GCNA: variants seen among roughly 807,000 people sequenced by gnomAD.
The protein encoded by GCNA is germ cell nuclear acidic protein.
A neutral mutation model predicts 38.8 loss-of-function variants in GCNA; 3 were observed. That is an observed-to-expected ratio of 0.08 (90% confidence interval 0.04 to 0.20). The LOEUF is 0.20. Among genes scored for constraint, GCNA ranks in the 10% least tolerant of loss-of-function variants. The pLI, the probability that GCNA is intolerant of heterozygous loss-of-function variation, is 1.00. For missense variants in GCNA, 446 were observed against 578.6 expected (o/e 0.77, Z 2.35); for synonymous variants, 195 against 240.2 (o/e 0.81, Z 1.74).
intron 7 of GCNA, among the ~76,000 whole-genome samples, chrX:71,602,799 C>A (rs1215157168): frequency 9.0e-6 from 1 of 111,647 alleles, no homozygotes; most frequent in Non-Finnish European, 1.9e-5. Flanking sequence ...TCCCATTTGT[C>A]CATTTTTGCT....
At chrX:71,593,507 G>C (rs948848123) in intron 4 of GCNA, among the ~76,000 whole-genome samples, 21 of 111,354 alleles carry the variant, frequency 1.9e-4, no homozygotes, top group African/African-American at 6.2e-4. Flanking sequence ...ACTCTCGTAA[G>C]TGATAGCAAG....
At chrX:71,582,845 C>A (rs2040556928) in intron 2 of GCNA, among the ~76,000 whole-genome samples, 1 of 111,946 alleles carries the variant, frequency 8.9e-6, no homozygotes, top group African/African-American at 3.2e-5. Flanking sequence ...CATATATAGA[C>A]ATTTACAGGG....
intron 11 of GCNA, among the ~76,000 whole-genome samples, chrX:71,611,131 G>T (rs942773649): frequency 3.6e-5 from 4 of 112,153 alleles, no homozygotes; most frequent in African/African-American, 6.5e-5. Flanking sequence ...TCTTCCTTCA[G>T]AGTAGCTCAC....
At chrX:71,590,723 C>T (rs1292682349) in intron 2 of GCNA, among the ~76,000 whole-genome samples, 2 of 109,690 alleles carry the variant, frequency 1.8e-5, no homozygotes, top group Non-Finnish European at 3.8e-5. Context: ...GCTCTGTGGC[C>T]CAGGCTGGAG....
At chrX:71,585,518 C>T (rs1187702100) in intron 2 of GCNA, among the ~76,000 whole-genome samples, 8 of 109,798 alleles carry the variant, frequency 7.3e-5, no homozygotes, top group African/African-American at 2.0e-4. Context: ...AATTGATAAA[C>T]CTGAGTTTCT....
At chrX:71,592,831 C>G (rs767495812) in intron 4 of GCNA, among the ~76,000 whole-genome samples, 9 of 111,004 alleles carry the variant, frequency 8.1e-5, no homozygotes, top group African/African-American at 2.6e-4. Context: ...AACATCCAGG[C>G]TCTACTAGTC....
chrX:71,609,817 A>G (rs769454385), intron 10 of GCNA, among the ~76,000 whole-genome samples: 4 of 111,945 alleles, frequency 3.6e-5, no homozygotes, highest in South Asian at 7.5e-4. Context: ...ACCTGTGGGT[A>G]TGGACTGGAT....
chrX:71,612,130 C>T (rs1439926995), intron 11 of GCNA, among the ~76,000 whole-genome samples: 1 of 104,004 alleles, frequency 9.6e-6, no homozygotes, highest in Non-Finnish European at 2.0e-5. Context: ...AAAAAAAAAT[C>T]AGCCAGGAAT....
At chrX:71,610,910 C>T in intron 11 of GCNA, 91 bp downstream of exon 11, 2 of 1,128,304 alleles carry the variant, frequency 1.8e-6, no homozygotes, top group African/African-American at 3.5e-5. Flanking sequence ...GCCTGTGTCA[C>T]AGCTCGAACT....
intron 1 of GCNA, 27 bp from the exon 2 acceptor site, chrX:71,580,793 A>ATT: frequency 3.4e-6 from 4 of 1,186,006 alleles, no homozygotes; most frequent in Non-Finnish European, 3.4e-6. Flanking sequence ...CTTTCTTAAG[A>ATT]AAGTGTATCT....
In GCNA at chrX:71,612,479, G is replaced by A. The variant is rs781059531; in HGVS notation, c.1875G>A (p.Pro625=). ...CCAGGAAATCCAACAGGATACACCC[G>A]GAGCTGCCCAGGGTCACCCGTTGCC... The part of the protein sequence containing the change: ...YYARKSNRIH[P]ELPRVTRCHN... Residue 625 remains proline (P), a synonymous_variant, in exon 12 of 13, where the codon CCG becomes CCA. Coordinates refer to ENST00000373696, the MANE Select transcript of GCNA (RefSeq NM_052957.5). The A allele has an allele frequency of 5.3e-5, 64 of 1,207,055 alleles. No individual in the cohort carries two copies. The Middle Eastern group carries it at 9.2e-4, about 17-fold the overall frequency.
intron 8 of GCNA, among the ~76,000 whole-genome samples, chrX:71,605,390 C>T (rs2040761073): frequency 1.8e-5 from 2 of 112,618 alleles, no homozygotes; most frequent in Non-Finnish European, 3.8e-5. Context: ...CCCACACCAC[C>T]TAGCTTCTAA....
chrX:71,594,186 C>T (rs2147718819), intron 4 of GCNA, 145 bp from the exon 5 acceptor site: 1 of 468,292 alleles, frequency 2.1e-6, no homozygotes, highest in South Asian at 3.8e-5. Flanking sequence ...ATCCTAATTT[C>T]CTAAGGGCTT....
chrX:71,603,318 G>C lies in GCNA; in HGVS notation c.311-270G>C, dbSNP rs1282786964. ...AGTTTTTTCTAGTTCTGTGAAGAAT[G>C]TCATTGGTATTTTGATAGGGATTGT... is the stretch of plus-strand genomic sequence containing the variant. On this transcript the variant is annotated intron_variant, in intron 7 of 12. Transcript: ENST00000373696. Among the ~76,000 whole-genome samples the C allele has an allele frequency of 3.6e-5, 4 of 112,235 alleles. No individual in the cohort carries two copies. The South Asian group carries it at 1.5e-3, about 41-fold the overall frequency.
intron 10 of GCNA, among the ~76,000 whole-genome samples, 178 bp downstream of exon 10, chrX:71,609,295 C>T (rs370006422): frequency 1.8e-5 from 2 of 111,915 alleles, no homozygotes; most frequent in South Asian, 7.4e-4. Context: ...ATGTATAGGA[C>T]AGATGGCTGT....
rs1237876594 is a variant in GCNA, at chrX:71,597,938, TTCA to T, written c.222-8_222-6del. ...TACTTCTCTCTTGTTTTTCTCCTGT[TTCA>T]TCACTCAGCTCCGTGGTAGTGATTG... On this transcript the variant is annotated splice_polypyrimidine_tract_variant and intron_variant, in intron 6 of 12. Transcript: ENST00000373696. 8.4e-7 allele frequency: 1 copy of T among 1,185,006 alleles called. No individual in the cohort carries two copies. Among genetic ancestry groups the T allele is most frequent in the Non-Finnish European group, 1.1e-6 (1 of 873,594 alleles).
At position 71,612,491 on chromosome X, in the gene GCNA, G is replaced by T; in HGVS notation, c.1887G>T (p.Arg629Ser). 1 of 1,209,960 alleles carries T rather than the reference G, an allele frequency of 8.3e-7. No homozygotes were observed. The highest frequency in any genetic ancestry group is 1.1e-6 in the Non-Finnish European group (1 of 894,999). The part of the protein sequence containing the change: ...KSNRIHPELP[R>S]VTRCHNYKIN... ...ACAGGATACACCCGGAGCTGCCCAGGGTCACCCGTTGCCATAACTATAAGA... is the reference window on the plus strand; with the variant it reads ...ACAGGATACACCCGGAGCTGCCCAGTGTCACCCGTTGCCATAACTATAAGA... Residue 629 changes from arginine to serine, a missense_variant, in exon 12 of 13, where the codon AGG becomes AGT. Arg to Ser is a moderately radical substitution (Grantham distance 110). This residue lies in a region of GCNA where 60 missense variants were observed against 111.0 expected (regional missense o/e 0.54). Coordinates refer to ENST00000373696, the MANE Select transcript of GCNA (RefSeq NM_052957.5).
chrX:71,608,272 T>C (rs902346623), intron 9 of GCNA, among the ~76,000 whole-genome samples: 1 of 111,336 alleles, frequency 9.0e-6, no homozygotes, highest in African/African-American at 3.3e-5. Flanking sequence ...AAAAGGAATT[T>C]TATTTTGTTT....
intron 2 of GCNA, among the ~76,000 whole-genome samples, chrX:71,589,655 G>A (rs930351708): frequency 4.7e-5 from 5 of 107,122 alleles, no homozygotes; most frequent in Non-Finnish European, 9.6e-5. Context: ...TAGTAGAGAC[G>A]GGATTTTGCT....
Sources: allele counts gnomAD v4.1 joint callset (sites outside exome capture counted in the v4.1 genomes callset), GRCh38; gene constraint gnomAD v4.1.1; regional missense constraint gnomAD v4.1.1; transcripts MANE v1.5; gene names NCBI Gene and HGNC (gene_info 2026-07-23, HGNC 2026-07-21).